The following DMD variants were observed in gnomAD, a reference collection of about 807,000 sequenced individuals.
DMD encodes mutant dystrophin.
In DMD, 63 loss-of-function variants were observed where a neutral mutation model predicts 330.1. That is an observed-to-expected ratio of 0.19 (90% CI 0.16 to 0.24). The LOEUF is 0.24. DMD is among the 10% of genes least tolerant of loss of function. The probability of loss-of-function intolerance (pLI) is 1.00; values close to 1 mark genes in which losing one functional copy is unlikely to be tolerated. For synonymous variants in DMD, 1,223 were observed against 959.8 expected, an observed-to-expected ratio of 1.27 and a Z score of -5.07; for missense variants, 3,344 against 2,684.1, an observed-to-expected ratio of 1.25 and a Z score of -5.43.
intron 13 of DMD, among the ~76,000 whole-genome samples, chrX:32,590,252 CATGAG>C (rs920408723): frequency 1.8e-5 from 2 of 112,332 alleles, no homozygotes; most frequent in African/African-American, 6.5e-5. Flanking sequence ...TTATTAACTG[CATGAG>C]ATAAGTGAGA....
intron 2 of DMD, among the ~76,000 whole-genome samples, chrX:32,894,259 G>C (rs1051637704): frequency 5.4e-5 from 6 of 111,954 alleles, no homozygotes. Flanking sequence ...CAATAGCGAA[G>C]GCATCAGGTT....
intron 44 of DMD, among the ~76,000 whole-genome samples, chrX:32,134,507 A>G (rs1465868023): frequency 9.0e-6 from 1 of 110,540 alleles, no homozygotes; most frequent in Non-Finnish European, 1.9e-5. Context: ...TTTTTTTTCT[A>G]CTGCAGGCAA....
At chrX:31,153,098 G>A (rs1012680902) in intron 74 of DMD, among the ~76,000 whole-genome samples, 54 of 111,512 alleles carry the variant, frequency 4.8e-4, no homozygotes, top group Admixed American at 4.8e-4. Context: ...CACATCTGTT[G>A]GTAGTTTGCA....
intron 59 of DMD, among the ~76,000 whole-genome samples, chrX:31,473,082 C>T (rs748412582): frequency 2.0e-4 from 22 of 110,875 alleles, no homozygotes; most frequent in Admixed American, 3.8e-4. Flanking sequence ...ATAGTCTGGG[C>T]GCAGTGGCTC....
chrX:31,933,060 C>G (rs1165229932), intron 45 of DMD, among the ~76,000 whole-genome samples: 1 of 111,619 alleles, frequency 9.0e-6, no homozygotes, highest in Non-Finnish European at 1.9e-5. Context: ...ACAAAATTGT[C>G]CCTGGTTGAG....
chrX:31,278,611 TA>T (rs2052372506), intron 62 of DMD, among the ~76,000 whole-genome samples: 1 of 112,215 alleles, frequency 8.9e-6, no homozygotes, highest in Admixed American at 9.4e-5. Flanking sequence ...ACATTGCTGC[TA>T]AAAGTATTGT....
At chrX:32,630,990 A>G (rs1296584742) in intron 11 of DMD, among the ~76,000 whole-genome samples, 1 of 111,357 alleles carries the variant, frequency 9.0e-6, no homozygotes, top group Non-Finnish European at 1.9e-5. Flanking sequence ...CAGGTATTTA[A>G]AGGTTCTTGG....
intron 47 of DMD, among the ~76,000 whole-genome samples, chrX:31,925,177 T>A (rs767965078): frequency 1.8e-5 from 2 of 111,905 alleles, no homozygotes; most frequent in African/African-American, 6.5e-5. Context: ...ATAGTTTTTT[T>A]AAAAGAAAAT....
At chrX:33,197,919 T>C (rs1460850290) in intron 1 of DMD, among the ~76,000 whole-genome samples, 1 of 111,312 alleles carries the variant, frequency 9.0e-6, no homozygotes, top group Non-Finnish European at 1.9e-5. Flanking sequence ...ACATCAATTT[T>C]CTGGGATAAA....
In DMD at chrX:31,654,830, A is replaced by G. The variant is rs1214832394; in HGVS notation, c.8027+3160T>C. ...GGGTACCAGGATTAATACCTAGGTG[A>G]TGAAATAATCTGTACAACAGACCCC... On this transcript the variant is annotated intron_variant, in intron 54 of 78. Coordinates refer to ENST00000357033, the MANE Select transcript of DMD (RefSeq NM_004006.3). Among the ~76,000 whole-genome samples the G allele has an allele frequency of 3.6e-5, 4 of 111,183 alleles. No individual in the cohort carries two copies. The East Asian group carries it at 1.1e-3, about 32-fold the overall frequency.
intron 59 of DMD, among the ~76,000 whole-genome samples, chrX:31,475,872 G>T (rs939150391): frequency 1.8e-5 from 2 of 111,421 alleles, no homozygotes; most frequent in Non-Finnish European, 3.8e-5. Flanking sequence ...CAATGATCAA[G>T]TCTGTTTCTT....
chrX:32,657,011 A>ATGTGTGTG (rs57052299), intron 9 of DMD, among the ~76,000 whole-genome samples: 16 of 100,790 alleles, frequency 1.6e-4, no homozygotes, highest in South Asian at 4.4e-4. Context: ...ACCAACTTAT[A>ATGTGTGTG]TGTGTGTGTG....
At chrX:32,694,826 T>G (rs1246124958) in intron 9 of DMD, among the ~76,000 whole-genome samples, 3 of 110,799 alleles carry the variant, frequency 2.7e-5, no homozygotes, top group African/African-American at 9.9e-5. Flanking sequence ...CCAGCTAATT[T>G]TGTATTTTTA....
chrX:33,220,481 T>C (rs1033541001), intron 1 of DMD, among the ~76,000 whole-genome samples: 11 of 112,051 alleles, frequency 9.8e-5, no homozygotes, highest in African/African-American at 3.2e-4. Context: ...TACTATTATA[T>C]CTCAGATTAT....
At chrX:32,886,882 G>T (rs2084642309) in intron 2 of DMD, among the ~76,000 whole-genome samples, 1 of 111,718 alleles carries the variant, frequency 9.0e-6, no homozygotes, top group Non-Finnish European at 1.9e-5. Context: ...GTAAAAAAGG[G>T]TGAAAAGTCA....
chrX:32,811,216 G>T (rs1456001634), intron 6 of DMD, among the ~76,000 whole-genome samples: 1 of 107,346 alleles, frequency 9.3e-6, no homozygotes, highest in Admixed American at 1.0e-4. Context: ...GTGCTGGCAT[G>T]CCCCTGTGGT....
At chrX:32,213,510 A>C (rs1460877103) in intron 44 of DMD, among the ~76,000 whole-genome samples, 1 of 112,247 alleles carries the variant, frequency 8.9e-6, no homozygotes, top group East Asian at 2.8e-4. Context: ...GTTCATATGC[A>C]TGATTTTGGA....
intron 44 of DMD, among the ~76,000 whole-genome samples, chrX:31,973,928 T>C (rs2095417766): frequency 9.0e-6 from 1 of 111,632 alleles, no homozygotes; most frequent in African/African-American, 3.3e-5. Flanking sequence ...CTCCAGATCT[T>C]TTATTAGTAA....
Position 32,602,887 on chromosome X carries a change from G to A in DMD, c.1483-7011C>T, listed in dbSNP as rs190783644. Among the ~76,000 whole-genome samples the A allele has an allele frequency of 9.3e-4, 103 of 111,190 alleles. 1 individual carries two copies. In the Admixed American group the frequency reaches 9.9e-3, roughly 11 times the overall value. ...CTGGAATCTCAAAATGGAGAGAAAT[G>A]GTCTCAAAGGCAGACAGGTCAAAGT... On this transcript the variant is annotated intron_variant, in intron 12 of 78. Transcript: ENST00000357033.
Sources: allele counts gnomAD v4.1 joint callset (sites outside exome capture counted in the v4.1 genomes callset), GRCh38; gene constraint gnomAD v4.1.1; transcripts MANE v1.5; gene names NCBI Gene and HGNC (gene_info 2026-07-23, HGNC 2026-07-21).